The following ASTN2 variants were observed in gnomAD, a reference collection of about 807,000 sequenced individuals.
The protein encoded by ASTN2 is astrotactin 2.
A neutral mutation model predicts 139.8 loss-of-function variants in ASTN2; 54 were observed. The observed-to-expected ratio is 0.39, with a 90% confidence interval of 0.31 to 0.48. The LOEUF is 0.48. Among genes scored for constraint, ASTN2 ranks in the 20% least tolerant of loss-of-function variants. The probability of loss-of-function intolerance (pLI) is 0.95; values close to 1 mark genes in which losing one functional copy is unlikely to be tolerated. For synonymous variants in ASTN2, 756 were observed against 719.5 expected, an observed-to-expected ratio of 1.05 and a Z score of -0.81; for missense variants, 1,565 against 1,725.1, an observed-to-expected ratio of 0.91 and a Z score of 1.64.
At chr9:117,303,902 A>T (rs922979867) in intron 1 of ASTN2, among the ~76,000 whole-genome samples, 4 of 152,224 alleles carry the variant, frequency 2.6e-5, no homozygotes, top group African/African-American at 9.6e-5. Flanking sequence ...GCGTTTATGT[A>T]CTGGGGCTTG....
chr9:117,089,955 G>A (rs1016475367), intron 5 of ASTN2, among the ~76,000 whole-genome samples: 1 of 152,142 alleles, frequency 6.6e-6, no homozygotes, highest in African/African-American at 2.4e-5. Context: ...GACTTAGACA[G>A]AATGATCATA....
At chr9:116,669,751 G>A (rs1462623778) in intron 16 of ASTN2, among the ~76,000 whole-genome samples, 1 of 151,544 alleles carries the variant, frequency 6.6e-6, no homozygotes, top group Non-Finnish European at 1.5e-5. Flanking sequence ...GTCTTTCATA[G>A]AGCAGAAGTT....
At chr9:116,554,880 TC>T (rs1226011494) in intron 19 of ASTN2, among the ~76,000 whole-genome samples, 1 of 152,134 alleles carries the variant, frequency 6.6e-6, no homozygotes, top group African/African-American at 2.4e-5. Flanking sequence ...GTTAATAATA[TC>T]CCAGGTATGG....
At chr9:116,441,666 C>A (rs1213438760) in intron 21 of ASTN2, among the ~76,000 whole-genome samples, 1 of 152,096 alleles carries the variant, frequency 6.6e-6, no homozygotes, top group Non-Finnish European at 1.5e-5. Flanking sequence ...TGTCTCACCA[C>A]CCATAATGTG....
rs543164595 is a variant in ASTN2 at position 117,411,123 on chromosome 9, G to A, written c.442+3374C>T. 8.3e-4 allele frequency among the ~76,000 whole-genome samples: 126 copies of A among 152,170 alleles called. No individual in the cohort carries two copies. The South Asian group carries it at 0.024, about 29-fold the overall frequency. On this transcript the variant is annotated intron_variant, in intron 1 of 22. Coordinates refer to ENST00000313400, the MANE Select transcript of ASTN2 (RefSeq NM_001365068.1). ...TTCCTGGCATGACTTTGGATTACGC[G>A]TTTGACCTCTCTAAAAATACTTCCT... is the stretch of plus-strand genomic sequence containing the variant.
chr9:116,513,328 C>T (rs1850488380), intron 19 of ASTN2, among the ~76,000 whole-genome samples: 1 of 152,124 alleles, frequency 6.6e-6, no homozygotes, highest in Non-Finnish European at 1.5e-5. Flanking sequence ...GAATATTGGC[C>T]CCCACTCTCT....
intron 19 of ASTN2, among the ~76,000 whole-genome samples, chr9:116,519,992 A>T (rs551678245): frequency 6.7e-6 from 1 of 150,320 alleles, no homozygotes; most frequent in South Asian, 2.1e-4. Flanking sequence ...AAAAACAAGC[A>T]GTGAGATTGA....
rs149023930 is a variant in ASTN2, at chr9:116,969,234, C to G, written c.1889+5974G>C. ...AGCTTAGAGATGAGGAACATGAACT[C>G]AAGAGTCAGACTCTCAGATTCCAAA... On this transcript the variant is annotated intron_variant, in intron 10 of 22. Coordinates refer to ENST00000313400, the MANE Select transcript of ASTN2 (RefSeq NM_001365068.1). Among the ~76,000 whole-genome samples the G allele has an allele frequency of 7.5e-4, 114 of 152,280 alleles. 1 individual carries two copies. The highest frequency in any genetic ancestry group is 2.6e-3 in the African/African-American group (109 of 41,548).
intron 11 of ASTN2, among the ~76,000 whole-genome samples, chr9:116,847,612 T>A (rs1832479947): frequency 6.6e-6 from 1 of 152,208 alleles, no homozygotes; most frequent in Non-Finnish European, 1.5e-5. Context: ...TGTTTCGATG[T>A]GTTTTGAATA....
At chr9:117,140,975 T>C (rs1830061597) in intron 4 of ASTN2, among the ~76,000 whole-genome samples, 1 of 152,210 alleles carries the variant, frequency 6.6e-6, no homozygotes, top group Non-Finnish European at 1.5e-5. Flanking sequence ...GGATGTCTCC[T>C]ACTAGAATGT....
chr9:116,712,686 A>G (rs1019959402), intron 16 of ASTN2, among the ~76,000 whole-genome samples: 2 of 152,172 alleles, frequency 1.3e-5, no homozygotes, highest in Non-Finnish European at 2.9e-5. Flanking sequence ...GCTTTTCCTT[A>G]GAGAATCTTC....
chr9:117,232,888 AT>A (rs10593705), intron 2 of ASTN2, among the ~76,000 whole-genome samples: 58,689 of 147,640 alleles, frequency 0.4, 11,735 homozygotes, highest in Middle Eastern at 0.51. Context: ...CTAGGTACAG[AT>A]TTTTTTTTTT....
chr9:117,087,673 C>T (rs1214965492), intron 5 of ASTN2, among the ~76,000 whole-genome samples: 1 of 152,188 alleles, frequency 6.6e-6, no homozygotes, highest in Non-Finnish European at 1.5e-5. Flanking sequence ...TAAGCATTTC[C>T]TCTGCTTATG....
chr9:116,490,910 T>C (rs1849500394), intron 19 of ASTN2, among the ~76,000 whole-genome samples: 1 of 152,194 alleles, frequency 6.6e-6, no homozygotes, highest in Non-Finnish European at 1.5e-5. Context: ...GTTAATTACC[T>C]GTCTTGAGAT....
chr9:116,837,814 G>A (rs1392453717), intron 11 of ASTN2, among the ~76,000 whole-genome samples: 2 of 152,150 alleles, frequency 1.3e-5, no homozygotes, highest in African/African-American at 4.8e-5. Context: ...TGCCCCACCT[G>A]GGTCCTGGGT....
chr9:117,113,658 A>AAAAAC (rs1215053791), intron 4 of ASTN2, among the ~76,000 whole-genome samples: 12 of 134,710 alleles, frequency 8.9e-5, no homozygotes, highest in East Asian at 6.7e-4. Flanking sequence ...CTTCGTCTCA[A>AAAAAC]AAAACAAAAC....
intron 19 of ASTN2, among the ~76,000 whole-genome samples, chr9:116,521,227 A>C (rs922016933): frequency 2.4e-4 from 37 of 152,166 alleles, no homozygotes; most frequent in African/African-American, 8.2e-4. Context: ...TGGAGACATC[A>C]CATTACCTGA....
intron 10 of ASTN2, among the ~76,000 whole-genome samples, chr9:116,938,244 G>A: frequency 1.7e-4 from 1 of 5,760 alleles, no homozygotes. Context: ...GTGCCATGAA[G>A]CACTGTTTGC....
chr9:117,413,102 C>A (rs976164093), intron 1 of ASTN2, among the ~76,000 whole-genome samples: 1 of 152,232 alleles, frequency 6.6e-6, no homozygotes, highest in Non-Finnish European at 1.5e-5. Flanking sequence ...AGGGGCTCGA[C>A]CCCCGAGGTT....
Sources: gnomAD v4.1 joint callset for allele counts (sites outside exome capture counted in the v4.1 genomes callset) on GRCh38, gnomAD v4.1.1 for gene constraint, MANE v1.5 for transcripts, NCBI Gene and HGNC (gene_info 2026-07-23, HGNC 2026-07-21) for gene names.